BRINP3: variants seen among roughly 807,000 people sequenced by gnomAD.
The protein encoded by BRINP3 is BMP/retinoic acid inducible neural specific 3.
BRINP3 carries 19 observed loss-of-function variants against 71.0 expected under a neutral mutation model. That is an observed-to-expected ratio of 0.27 (90% CI 0.19 to 0.39). The LOEUF is 0.39. BRINP3 is among the 10% of genes least tolerant of loss of function. BRINP3 has a pLI of 1.00. For synonymous variants in BRINP3, 380 were observed against 337.7 expected (o/e 1.13, Z -1.37); for missense variants, 959 against 940.8 (o/e 1.02, Z -0.25).
chr1:190,288,033 G>A (rs1397306762), intron 2 of BRINP3, among the ~76,000 whole-genome samples: 1 of 151,982 alleles, frequency 6.6e-6, no homozygotes, highest in Non-Finnish European at 1.5e-5. Flanking sequence ...ACACTTGTTA[G>A]CAAAAGCTTT....
intron 3 of BRINP3, among the ~76,000 whole-genome samples, chr1:190,277,118 T>TATATATATATATATATATATA (rs376769940): frequency 4.7e-5 from 6 of 128,550 alleles, no homozygotes; most frequent in Non-Finnish European, 6.8e-5. Context: ...TATATATATA[T>TATATATATATATATATATATA]TTATATTCAG....
chr1:190,386,860 A>T (rs766211233), intron 2 of BRINP3, among the ~76,000 whole-genome samples: 1 of 152,038 alleles, frequency 6.6e-6, no homozygotes, highest in African/African-American at 2.4e-5. Flanking sequence ...TAGGGTAAAA[A>T]TTTGTTTATT....
chr1:190,419,034 T>C (rs1337858947), intron 2 of BRINP3, among the ~76,000 whole-genome samples: 1 of 152,144 alleles, frequency 6.6e-6, no homozygotes, highest in Non-Finnish European at 1.5e-5. Flanking sequence ...AATTATTCTA[T>C]ATTTTCTATG....
Position 190,281,615 on chromosome 1 carries a change from T to C in BRINP3, c.372A>G (p.Thr124=). 1 of 1,612,896 alleles carries C rather than the reference T, an allele frequency of 6.2e-7. No homozygotes were observed. Among genetic ancestry groups the C allele is most frequent in the Non-Finnish European group, 8.5e-7 (1 of 1,179,276 alleles). Residue 124 remains threonine (T), a synonymous_variant, in exon 3 of 8, where the codon ACA becomes ACG. Coordinates refer to ENST00000367462, the MANE Select transcript of BRINP3 (RefSeq NM_199051.3). ...TCCCATATTTCTTGATAAGGTTTTC[T>C]GTGATTTGCTGAAGGGTAGGTCGAC... ...LGRRPTLQQI[T]ENLIKKYGTH...
At chr1:190,226,055 AGTG>A (rs779991607) in intron 6 of BRINP3, 24 bp downstream of exon 6, 50 of 1,368,916 alleles carry the variant, frequency 3.7e-5, no homozygotes, top group Non-Finnish European at 4.8e-5. Flanking sequence ...AATATTTAAA[AGTG>A]TTATATTAAA....
At chr1:190,199,316 GTT>G (rs1323310756) in intron 6 of BRINP3, among the ~76,000 whole-genome samples, 1 of 151,994 alleles carries the variant, frequency 6.6e-6, no homozygotes, top group East Asian at 1.9e-4. Flanking sequence ...CTTTGCCCTG[GTT>G]GTATAACCAT....
At chr1:190,171,312 A>T (rs1296937337) in intron 6 of BRINP3, among the ~76,000 whole-genome samples, 1 of 152,150 alleles carries the variant, frequency 6.6e-6, no homozygotes, top group Non-Finnish European at 1.5e-5. Context: ...TCAACATCTA[A>T]TGGAGAGAGA....
At chr1:190,325,762 C>T (rs1396020365) in intron 2 of BRINP3, among the ~76,000 whole-genome samples, 1 of 152,052 alleles carries the variant, frequency 6.6e-6, no homozygotes, top group African/African-American at 2.4e-5. Flanking sequence ...TTGTCATTTG[C>T]ACTGCCCTTA....
chr1:190,275,404 T>C (rs1303406902), intron 3 of BRINP3, among the ~76,000 whole-genome samples: 1 of 151,672 alleles, frequency 6.6e-6, no homozygotes, highest in Non-Finnish European at 1.5e-5. Context: ...GGAGATCCTG[T>C]TAAAATGTAG....
intron 6 of BRINP3, among the ~76,000 whole-genome samples, chr1:190,203,750 AAT>A (rs553650706): frequency 2.5e-5 from 1 of 39,342 alleles, no homozygotes; most frequent in Non-Finnish European, 5.1e-5. Flanking sequence ...CACTAAAGAA[AAT>A]ATATATATAT....
intron 2 of BRINP3, among the ~76,000 whole-genome samples, chr1:190,374,438 G>A (rs886338932): frequency 6.6e-6 from 1 of 152,114 alleles, no homozygotes; most frequent in Non-Finnish European, 1.5e-5. Flanking sequence ...AGTACTAGAT[G>A]TTTTTACCAA....
chr1:190,338,734 A>C (rs2103103569), intron 2 of BRINP3, among the ~76,000 whole-genome samples: 1 of 152,020 alleles, frequency 6.6e-6, no homozygotes, highest in East Asian at 1.9e-4. Flanking sequence ...ATACTATCCA[A>C]GACCTCTGTA....
chr1:190,249,377 A>G (rs1659909270), intron 4 of BRINP3, among the ~76,000 whole-genome samples: 1 of 151,800 alleles, frequency 6.6e-6, no homozygotes, highest in African/African-American at 2.4e-5. Flanking sequence ...ATTTCTAGCA[A>G]TTACAGGATC....
chr1:190,307,203 AT>A (rs1458427665), intron 2 of BRINP3, among the ~76,000 whole-genome samples: 1 of 147,052 alleles, frequency 6.8e-6, no homozygotes, highest in Non-Finnish European at 1.5e-5. Context: ...TTTATTAAAT[AT>A]TTTAAGTTTT....
intron 7 of BRINP3, among the ~76,000 whole-genome samples, chr1:190,129,546 T>C (rs1571781986): frequency 1.3e-5 from 2 of 152,074 alleles, no homozygotes; most frequent in Non-Finnish European, 2.9e-5. Flanking sequence ...TTCTGAACAC[T>C]AAGGACAATA....
At chr1:190,113,006 T>C (rs1391753282) in intron 7 of BRINP3, among the ~76,000 whole-genome samples, 4 of 152,042 alleles carry the variant, frequency 2.6e-5, no homozygotes, top group Non-Finnish European at 5.9e-5. Context: ...GGGGGGTGAA[T>C]GTATAGTATG....
chr1:190,439,327 ATG>A (rs933116380), intron 2 of BRINP3, among the ~76,000 whole-genome samples: 4 of 151,840 alleles, frequency 2.6e-5, no homozygotes, highest in African/African-American at 7.2e-5. Flanking sequence ...AATTAATATA[ATG>A]TTTTTTTATA....
At chr1:190,380,148 T>C (rs1400471845) in intron 2 of BRINP3, among the ~76,000 whole-genome samples, 4 of 152,136 alleles carry the variant, frequency 2.6e-5, no homozygotes, top group African/African-American at 9.7e-5. Context: ...GTAACAATAG[T>C]CCAGGTCAAA....
rs898976094 is a variant in BRINP3 at position 190,352,458 on chromosome 1, T to C, written c.237-70708A>G. Among the ~76,000 whole-genome samples, 5 of 152,006 alleles carry C rather than the reference T, an allele frequency of 3.3e-5. 1 individual carries two copies. The highest frequency in any genetic ancestry group is 1.2e-4 in the African/African-American group (5 of 41,430). On this transcript the variant is annotated intron_variant, in intron 2 of 7. Transcript: ENST00000367462. ...TATCACACAAAGTAAGGTTTTCTCA[T>C]AAAATTTCTATCCTGCTAAGAAAAT...
Sources: allele counts gnomAD v4.1 joint callset (sites outside exome capture counted in the v4.1 genomes callset), GRCh38; gene constraint gnomAD v4.1.1; transcripts MANE v1.5; gene names NCBI Gene and HGNC (gene_info 2026-07-23, HGNC 2026-07-21).